Variants in GPR132 observed in about 807,000 individuals in gnomAD.
GPR132 encodes the protein G protein-coupled receptor 132, also known as probable G protein-coupled receptor 132.
In GPR132, 4 loss-of-function variants were observed where a neutral mutation model predicts 1.9. The observed-to-expected ratio is 2.13, with a 90% CI of 1.05 to 4.87. GPR132 has a LOEUF of 4.87. GPR132 is among the 30% of genes most tolerant of loss of function. GPR132 has a pLI of 0.01. For missense variants in GPR132, 404 were observed against 512.5 expected (o/e 0.79, Z 2.04); for synonymous variants, 233 against 234.2 (o/e 0.99, Z 0.05).
chr14:105,057,057 C>T lies in GPR132; in HGVS notation c.-747+110G>A, dbSNP rs76371770. ...ATTATTGCTGAGCTAGTTTTTATCTCGATAATCTATTTTTATGCGTTAATT... is the reference window on the plus strand; with the variant it reads ...ATTATTGCTGAGCTAGTTTTTATCTTGATAATCTATTTTTATGCGTTAATT... On this transcript the variant is annotated intron_variant, in intron 2 of 3. Transcript: ENST00000329797. 2,661 of 768,702 alleles carry T rather than the reference C, an allele frequency of 3.5e-3. 80 individuals are homozygous for T. The East Asian group carries it at 0.048, about 14-fold the overall frequency. The allele number at this position is 768,702 out of a possible 1,614,324, so 47.6% of individuals were successfully genotyped here. A position where few individuals can be genotyped will look rare whatever the true frequency, so the allele number is the denominator to read the frequency against.
chr14:105,054,112 T>C (rs1299598693), intron 3 of GPR132: 6 of 1,288,122 alleles, frequency 4.7e-6, no homozygotes, highest in East Asian at 5.6e-5. Flanking sequence ...TTACAGATCA[T>C]GGAGTCCCAC....
intron 2 of GPR132, 93 bp downstream of exon 2, chr14:105,057,074 G>C: frequency 1.2e-6 from 1 of 846,160 alleles, no homozygotes; most frequent in Non-Finnish European, 1.9e-6. Context: ...CTATTTTTAT[G>C]CGTTAATTTT....
intron 3 of GPR132, chr14:105,054,252 C>G (rs1363771061): frequency 8.5e-7 from 1 of 1,170,320 alleles, no homozygotes; most frequent in Non-Finnish European, 1.1e-6. Flanking sequence ...GGCGCGAGGT[C>G]AGGGGTCCCT....
At position 105,056,217 on chromosome 14, in the gene GPR132, TCAC is replaced by T. The variant is rs1886789379; in HGVS notation, c.-746-54_-746-52del. 4.1e-6 allele frequency: 4 copies of T among 971,196 alleles called. No individual in the cohort carries two copies. The Admixed American group carries it at 1.8e-4, about 45-fold the overall frequency. 60.2% of individuals were successfully genotyped at this position (971,196 alleles called of 1,614,324 possible). A position where few individuals can be genotyped will look rare whatever the true frequency, so the allele number is the denominator to read the frequency against. On this transcript the variant is annotated intron_variant, in intron 2 of 3. Coordinates refer to ENST00000329797, the MANE Select transcript of GPR132 (RefSeq NM_013345.4). This position sits in a 1 kb window ranked among gnomAD's most constrained non-coding sequence, Gnocchi z 6.0. The stretch of plus-strand genomic sequence containing the variant: ...GACTGGGCTGCCTCACACTCAGTTG[TCAC>T]CACTTCGCCCAAGACACAGGCCTGT...
intron 1 of GPR132, among the ~76,000 whole-genome samples, chr14:105,058,737 C>T (rs931471393): frequency 6.6e-6 from 1 of 152,208 alleles, no homozygotes; most frequent in Non-Finnish European, 1.5e-5. Flanking sequence ...GCATGATGGG[C>T]GGGCAGCAGA....
chr14:105,055,303 G>T lies in GPR132; in HGVS notation c.34+84C>A, dbSNP rs1425265561. ...GATTGTGCCACTGCACTCCAGCCTG[G>T]GCGATAGAGTGAGACTCAATCGCAA... On this transcript the variant is annotated intron_variant, in intron 3 of 3. Transcript: ENST00000329797. The surrounding 1 kb of genome is among the most constrained non-coding windows in gnomAD (Gnocchi z 4.7). The T allele has an allele frequency of 2.6e-6, 2 of 777,446 alleles. No homozygotes were observed. Among genetic ancestry groups the T allele is most frequent in the Non-Finnish European group, 4.8e-6 (2 of 415,626 alleles). The allele number at this position is 777,446 out of a possible 1,614,324, so 48.2% of individuals were successfully genotyped here.
intron 3 of GPR132, chr14:105,054,492 C>T (rs1450927144): frequency 5.1e-6 from 4 of 778,486 alleles, no homozygotes; most frequent in African/African-American, 2.0e-5. Context: ...AGTGCAGTGG[C>T]GTGATCTCTG....
intron 3 of GPR132, among the ~76,000 whole-genome samples, chr14:105,053,452 G>A (rs1055188889): frequency 3.3e-5 from 5 of 152,092 alleles, no homozygotes; most frequent in Non-Finnish European, 5.9e-5. Flanking sequence ...GAGCCACTGC[G>A]CCCGGCTAAT....
chr14:105,063,121 A>G (rs1304036488), intron 1 of GPR132, among the ~76,000 whole-genome samples: 3 of 151,948 alleles, frequency 2.0e-5, no homozygotes, highest in Non-Finnish European at 4.4e-5. Flanking sequence ...AGGTTTCCCT[A>G]TGTTACCCAG....
chr14:105,058,740 G>A (rs1886865130), intron 1 of GPR132, among the ~76,000 whole-genome samples: 1 of 152,258 alleles, frequency 6.6e-6, no homozygotes, highest in Admixed American at 6.5e-5. Flanking sequence ...TGATGGGCGG[G>A]CAGCAGATGG....
chr14:105,054,016 G>A, intron 3 of GPR132: 4 of 1,286,042 alleles, frequency 3.1e-6, no homozygotes, highest in Non-Finnish European at 3.0e-6. Flanking sequence ...GCAGTGGTGT[G>A]ACTTCCCCAA....
At chr14:105,054,393 G>C in intron 3 of GPR132, 1 of 984,668 alleles carries the variant, frequency 1.0e-6, no homozygotes. Flanking sequence ...AACGGGGTCA[G>C]CCCTGCGGCC....
chr14:105,055,613 G>A lies in GPR132; in HGVS notation c.-193C>T, dbSNP rs758588859. 4.4e-4 allele frequency: 280 copies of A among 635,344 alleles called. No individual in the cohort carries two copies. Among genetic ancestry groups the A allele is most frequent in the Non-Finnish European group, 7.3e-4 (252 of 346,928 alleles). 39.4% of individuals were successfully genotyped at this position (635,344 alleles called of 1,614,324 possible). ...GTGGGCATCTCTGCGTGTCTTCAGC[G>A]TGTGTCCTTCCGTGTCTCACGTGCT... On this transcript the variant is annotated 5_prime_UTR_variant, in exon 3 of 4. It adds an upstream start codon to the 5' untranslated region. Transcript: ENST00000329797. This position sits in a 1 kb window ranked among gnomAD's most constrained non-coding sequence, Gnocchi z 4.7.
At chr14:105,061,742 T>TG (rs144273693) in intron 1 of GPR132, among the ~76,000 whole-genome samples, 307 of 148,642 alleles carry the variant, frequency 2.1e-3, no homozygotes, top group African/African-American at 3.7e-3. Flanking sequence ...ACCACCCTCC[T>TG]GGGGGGGGGG....
At chr14:105,062,231 G>A (rs1184290045) in intron 1 of GPR132, among the ~76,000 whole-genome samples, 2 of 152,184 alleles carry the variant, frequency 1.3e-5, no homozygotes, top group East Asian at 3.9e-4. Context: ...CTGGCCCTGG[G>A]CCCCTGCCTC....
At chr14:105,065,005 G>A (rs12879592) in intron 1 of GPR132, among the ~76,000 whole-genome samples, 4,769 of 151,924 alleles carry the variant, frequency 0.031, 113 homozygotes, top group Non-Finnish European at 0.045. Flanking sequence ...GACCAATCAC[G>A]GAAGCAAGTG....
In GPR132 at chr14:105,051,598, G is replaced by A. The variant is rs546634494; in HGVS notation, c.539C>T (p.Thr180Met). The A allele has an allele frequency of 9.9e-6, 16 of 1,613,994 alleles. No individual in the cohort carries two copies. Among genetic ancestry groups the A allele is most frequent in the Middle Eastern group, 1.6e-4 (1 of 6,062 alleles). Residue 180 changes from threonine (T) to methionine (M), a missense_variant, in exon 4 of 4, where the codon ACG (threonine) becomes ATG (methionine). Thr to Met is a moderately conservative substitution (Grantham distance 81). Transcript: ENST00000329797. This position sits in a 1 kb window ranked among gnomAD's most constrained non-coding sequence, Gnocchi z 8.0. The stretch of plus-strand genomic sequence containing the variant: ...GTCAAAGCAGGTCTCCTTGTCTTCC[G>A]TCTGGAACACCGGGTAGTGAACGAT... Reference protein sequence around the residue: ...VGIVHYPVFQTEDKETCFDML... With the variant: ...VGIVHYPVFQMEDKETCFDML...
intron 1 of GPR132, among the ~76,000 whole-genome samples, chr14:105,058,624 T>C (rs1239779442): frequency 6.6e-6 from 1 of 152,254 alleles, no homozygotes; most frequent in South Asian, 2.1e-4. Context: ...ACTTTTGACC[T>C]GGCTGATCCC....
rs1008134373 is a variant in GPR132 at position 105,055,092 on chromosome 14, G to A, written c.34+295C>T. On this transcript the variant is annotated intron_variant, in intron 3 of 3. Transcript: ENST00000329797. This position sits in a 1 kb window ranked among gnomAD's most constrained non-coding sequence, Gnocchi z 4.7. ...TTCCTTCAATCCCAACGCTTTGGAAGGACAAGGCAGGTGGATCACCCGAGG... is the reference window on the plus strand; with the variant it reads ...TTCCTTCAATCCCAACGCTTTGGAAAGACAAGGCAGGTGGATCACCCGAGG... 6.6e-6 allele frequency among the ~76,000 whole-genome samples: 1 copy of A among 151,414 alleles called. No individual in the cohort carries two copies. The highest frequency in any genetic ancestry group is 6.6e-5 in the Admixed American group (1 of 15,200).
Sources: allele counts gnomAD v4.1 joint callset (sites outside exome capture counted in the v4.1 genomes callset), GRCh38; gene constraint gnomAD v4.1.1; non-coding constraint Gnocchi (gnomAD v3.1); transcripts MANE v1.5; gene names NCBI Gene and HGNC (gene_info 2026-07-23, HGNC 2026-07-21).